The following MAGI1 variants were observed in gnomAD, a reference collection of about 807,000 sequenced individuals.
The protein encoded by MAGI1 is membrane associated guanylate kinase, WW and PDZ domain containing 1.
A neutral mutation model predicts 139.9 loss-of-function variants in MAGI1; 58 were observed. The observed-to-expected ratio is 0.41, with a 90% CI of 0.34 to 0.52. The LOEUF is 0.52. Ranked by LOEUF, MAGI1 falls within the 20% of genes least tolerant of loss-of-function variation. The pLI is 0.12. For missense variants in MAGI1, 1,874 were observed against 1,901.6 expected, an observed-to-expected ratio of 0.99 and a Z score of 0.27; for synonymous variants, 812 against 737.9, an observed-to-expected ratio of 1.10 and a Z score of -1.63.
At chr3:65,654,435 T>C (rs2085753737) in intron 1 of MAGI1, among the ~76,000 whole-genome samples, 1 of 152,184 alleles carries the variant, frequency 6.6e-6, no homozygotes. Context: ...TGGTGACCTA[T>C]CATGACTGTA....
intron 1 of MAGI1, among the ~76,000 whole-genome samples, chr3:65,824,625 T>G (rs1372216041): frequency 6.6e-6 from 1 of 152,198 alleles, no homozygotes; most frequent in Non-Finnish European, 1.5e-5. Context: ...CTTTCCAACA[T>G]TAATGAATTC....
chr3:65,801,927 A>T (rs12494220), intron 1 of MAGI1, among the ~76,000 whole-genome samples: 1 of 151,860 alleles, frequency 6.6e-6, no homozygotes, highest in Non-Finnish European at 1.5e-5. Flanking sequence ...GCCTCCTGTG[A>T]TATCAGCAGA....
At chr3:65,927,582 C>T (rs148168320) in intron 1 of MAGI1, among the ~76,000 whole-genome samples, 2 of 152,280 alleles carry the variant, frequency 1.3e-5, no homozygotes, top group East Asian at 3.9e-4. Context: ...AATCAGGGTG[C>T]TTCTGTAGGT....
At chr3:65,596,518 C>A (rs1281125600) in intron 2 of MAGI1, among the ~76,000 whole-genome samples, 1 of 152,186 alleles carries the variant, frequency 6.6e-6, no homozygotes, top group Non-Finnish European at 1.5e-5. Flanking sequence ...CCCAACATAC[C>A]TAATCCTTAA....
intron 1 of MAGI1, among the ~76,000 whole-genome samples, chr3:65,804,028 G>A (rs1251738000): frequency 1.3e-5 from 2 of 152,048 alleles, no homozygotes; most frequent in Non-Finnish European, 2.9e-5. Context: ...CACAAACTGA[G>A]GCATCCCTAA....
intron 1 of MAGI1, among the ~76,000 whole-genome samples, chr3:65,863,530 G>A (rs2059622738): frequency 6.6e-6 from 1 of 152,184 alleles, no homozygotes; most frequent in South Asian, 2.1e-4. Flanking sequence ...TCATAAAAGT[G>A]AGACCACTTC....
chr3:65,833,747 CT>C (rs1370005399), intron 1 of MAGI1, among the ~76,000 whole-genome samples: 3 of 152,160 alleles, frequency 2.0e-5, no homozygotes, highest in Non-Finnish European at 4.4e-5. Flanking sequence ...CTTCAGCATG[CT>C]TTTGAGCATA....
chr3:65,536,620 G>T (rs1056393216), intron 2 of MAGI1, among the ~76,000 whole-genome samples: 1 of 152,068 alleles, frequency 6.6e-6, no homozygotes, highest in Non-Finnish European at 1.5e-5. Flanking sequence ...AGCTCCTGAG[G>T]TGCATGTGAC....
chr3:65,667,874 C>T (rs570958001), intron 1 of MAGI1, among the ~76,000 whole-genome samples: 3 of 152,104 alleles, frequency 2.0e-5, no homozygotes, highest in Non-Finnish European at 4.4e-5. Flanking sequence ...AAGAAGAAAC[C>T]AATTTTTTTT....
intron 1 of MAGI1, among the ~76,000 whole-genome samples, chr3:65,644,403 T>G (rs1043903449): frequency 1.1e-5 from 1 of 88,754 alleles, no homozygotes; most frequent in East Asian, 2.7e-4. Context: ...CAAAGAAGTA[T>G]AAAACCTCAG....
rs1329887612 is a variant in MAGI1 at position 65,615,035 on chromosome 3, A to AG, written c.430+6936dup. Among the ~76,000 whole-genome samples, 19 of 151,686 alleles carry AG rather than the reference A, an allele frequency of 1.3e-4. No homozygotes were observed. In the South Asian group the frequency reaches 3.7e-3, roughly 30 times the overall value. ...AGACTGTGTCTCCAAAAAAAAAAAA[A>AG]GAAAGAAAGAAAGAAGGAAAGAGAA... On this transcript the variant is annotated intron_variant, in intron 2 of 22. Coordinates refer to ENST00000402939, the MANE Select transcript of MAGI1 (RefSeq NM_001033057.2).
intron 12 of MAGI1, among the ~76,000 whole-genome samples, chr3:65,419,829 C>T (rs1301841838): frequency 6.6e-5 from 10 of 152,122 alleles, no homozygotes; most frequent in Admixed American, 5.9e-4. Context: ...CTTTACATAT[C>T]GCCTGCTACA....
At chr3:66,033,327 T>C (rs1255973525) in intron 1 of MAGI1, among the ~76,000 whole-genome samples, 2 of 152,166 alleles carry the variant, frequency 1.3e-5, no homozygotes. Context: ...GGCACTATCT[T>C]ATATGCAGTC....
At chr3:65,844,074 G>T in intron 1 of MAGI1, 1 of 476,056 alleles carries the variant, frequency 2.1e-6, no homozygotes. Flanking sequence ...CCATTCCAAA[G>T]CTACAACAGT....
At chr3:65,380,368 A>C (rs77879285) in intron 16 of MAGI1, among the ~76,000 whole-genome samples, 1 of 152,346 alleles carries the variant, frequency 6.6e-6, no homozygotes, top group Non-Finnish European at 1.5e-5. Flanking sequence ...TAAGCATAAC[A>C]AATTTTTAAA....
intron 1 of MAGI1, among the ~76,000 whole-genome samples, chr3:65,842,552 G>C (rs1370657258): frequency 6.6e-6 from 1 of 151,854 alleles, no homozygotes; most frequent in African/African-American, 2.4e-5. Flanking sequence ...GTAGAGACAG[G>C]GTTTCTCCAT....
intron 1 of MAGI1, among the ~76,000 whole-genome samples, chr3:65,897,972 C>G (rs2061053519): frequency 6.6e-6 from 1 of 152,092 alleles, no homozygotes; most frequent in Admixed American, 6.6e-5. Flanking sequence ...TAAAGGCATA[C>G]TGTTTTCAGA....
At chr3:65,391,726 G>C (rs1030737948) in intron 13 of MAGI1, among the ~76,000 whole-genome samples, 3 of 152,198 alleles carry the variant, frequency 2.0e-5, no homozygotes, top group African/African-American at 7.2e-5. Flanking sequence ...AATACCATGA[G>C]TGGTTTAGGA....
intron 2 of MAGI1, among the ~76,000 whole-genome samples, chr3:65,527,561 T>G (rs1470269636): frequency 2.6e-5 from 4 of 151,936 alleles, no homozygotes; most frequent in Non-Finnish European, 5.9e-5. Flanking sequence ...CCGTCTCTAC[T>G]AAAAATACAA....
Sources: allele counts gnomAD v4.1 joint callset (sites outside exome capture counted in the v4.1 genomes callset), GRCh38; gene constraint gnomAD v4.1.1; transcripts MANE v1.5; gene names NCBI Gene and HGNC (gene_info 2026-07-23, HGNC 2026-07-21).